STIM2: variants seen among roughly 807,000 people sequenced by gnomAD.
STIM2 encodes the protein stromal interaction molecule 2.
STIM2 carries 31 observed loss-of-function variants against 85.8 expected under a neutral mutation model. The ratio of observed to expected loss-of-function variants is 0.36; its 90% CI spans 0.27 to 0.49. STIM2 has a LOEUF of 0.49. Among genes scored for constraint, STIM2 ranks in the 20% least tolerant of loss-of-function variants. The pLI is 0.98. For synonymous variants in STIM2, 356 were observed against 331.1 expected, an observed-to-expected ratio of 1.08 and a Z score of -0.82; for missense variants, 841 against 927.6, an observed-to-expected ratio of 0.91 and a Z score of 1.21.
intron 1 of STIM2, among the ~76,000 whole-genome samples, chr4:26,885,851 ATATATATATATATATATATATATGT>A: frequency 2.1e-5 from 1 of 47,010 alleles, no homozygotes; most frequent in East Asian, 7.0e-4. Flanking sequence ...ATATATATAT[ATATATATATATATATATATATATGT>A]ATATGTCTAT....
intron 1 of STIM2, among the ~76,000 whole-genome samples, chr4:26,879,743 C>T (rs1409265170): frequency 6.6e-6 from 1 of 152,134 alleles, no homozygotes; most frequent in Non-Finnish European, 1.5e-5. Flanking sequence ...TATTCCTTGT[C>T]ATTAGAAACA....
chr4:26,879,017 T>C (rs9999056), intron 1 of STIM2, among the ~76,000 whole-genome samples: 28,361 of 152,110 alleles, frequency 0.19, 2,900 homozygotes, highest in Admixed American at 0.25. Context: ...CCAAACCTTA[T>C]CACCATCTAA....
chr4:26,888,241 T>C (rs962746807), intron 1 of STIM2, among the ~76,000 whole-genome samples: 4 of 152,196 alleles, frequency 2.6e-5, no homozygotes, highest in Admixed American at 2.6e-4. Flanking sequence ...AAATGATACT[T>C]AATCTCCAAA....
chr4:26,974,819 T>C lies in STIM2; in HGVS notation c.397+17093T>C, dbSNP rs546551467. On this transcript the variant is annotated intron_variant, in intron 3 of 11. Transcript: ENST00000467087. ...GTTGGGGGTGTTCTCCTGGATAATATACTGAAGAGTGTTTTCCAACTTGGG... is the reference window on the plus strand; with the variant it reads ...GTTGGGGGTGTTCTCCTGGATAATACACTGAAGAGTGTTTTCCAACTTGGG... 2.0e-5 allele frequency among the ~76,000 whole-genome samples: 3 copies of C among 152,348 alleles called. No individual in the cohort carries two copies. The East Asian group carries it at 5.8e-4, about 29-fold the overall frequency.
rs555651412 is a variant in STIM2, at chr4:26,889,581, T to C, written c.151+28212T>C. Among the ~76,000 whole-genome samples, 16 of 151,980 alleles carry C rather than the reference T, an allele frequency of 1.1e-4. No individual in the cohort carries two copies. The South Asian group carries it at 1.7e-3, about 16-fold the overall frequency. ...GTGGTCCAATATAATCAGCCTTTCA[T>C]GAGATAGTTGGCTGATCACTCTGGG... On this transcript the variant is annotated intron_variant, in intron 1 of 11. Transcript: ENST00000467087.
In STIM2 at chr4:27,020,835, G is replaced by C. The variant is rs545225842; in HGVS notation, c.1764-1684G>C. 1.4e-4 allele frequency among the ~76,000 whole-genome samples: 22 copies of C among 152,286 alleles called. No individual in the cohort carries two copies. The East Asian group carries it at 4.2e-3, about 29-fold the overall frequency. On this transcript the variant is annotated intron_variant, in intron 11 of 11. Coordinates refer to ENST00000467087, the MANE Select transcript of STIM2 (RefSeq NM_020860.4). ...TAACATGAGCTGCCAAGACAAGTGA[G>C]ACAAGGACCTGGCCTAGTTCCAGCT...
chr4:26,929,223 A>G (rs1347387375), intron 2 of STIM2, among the ~76,000 whole-genome samples: 1 of 152,194 alleles, frequency 6.6e-6, no homozygotes, highest in African/African-American at 2.4e-5. Context: ...AACTTCTAGA[A>G]AACAAAATTA....
chr4:27,022,799 A>C lies in STIM2; in HGVS notation c.2044A>C (p.Asn682His). 3 of 1,614,226 alleles carry C rather than the reference A, an allele frequency of 1.9e-6. No homozygotes were observed. In the South Asian group the frequency reaches 3.3e-5, roughly 18 times the overall value. Residue 682 changes from asparagine (N) to histidine (H), a missense_variant, in exon 12 of 12, where the codon AAC becomes CAC. Asn to His is a moderately conservative substitution (Grantham distance 68, BLOSUM62 1). Coordinates refer to ENST00000467087, the MANE Select transcript of STIM2 (RefSeq NM_020860.4). ...CATTTTGGAGAAATCCTGTAGCATG[A>C]ACCAGCTTTCCAGTGGCATCCCGGT...
At chr4:27,002,842 C>A in intron 6 of STIM2, 85 bp from the exon 7 acceptor site, 3 of 1,156,048 alleles carry the variant, frequency 2.6e-6, no homozygotes, top group East Asian at 3.0e-5. Context: ...TGTATTTAAT[C>A]GCTTGACCCA....
chr4:26,868,136 T>A (rs1722471516), intron 1 of STIM2, among the ~76,000 whole-genome samples: 1 of 152,250 alleles, frequency 6.6e-6, no homozygotes, highest in Non-Finnish European at 1.5e-5. Flanking sequence ...GAATGTTTAA[T>A]AATGTCTATT....
At chr4:26,949,813 T>A (rs1725977172) in intron 2 of STIM2, among the ~76,000 whole-genome samples, 1 of 152,190 alleles carries the variant, frequency 6.6e-6, no homozygotes, top group Admixed American at 6.5e-5. Context: ...CCCCATTCAT[T>A]ATCAGTGTTA....
intron 1 of STIM2, among the ~76,000 whole-genome samples, chr4:26,918,404 T>C (rs144486126): frequency 6.7e-4 from 102 of 152,160 alleles, no homozygotes; most frequent in Non-Finnish European, 1.3e-3. Context: ...GCAACTAAGA[T>C]GCAAGGACAA....
intron 3 of STIM2, among the ~76,000 whole-genome samples, chr4:26,986,066 A>G (rs1251130044): frequency 6.6e-6 from 1 of 152,198 alleles, no homozygotes; most frequent in Non-Finnish European, 1.5e-5. Context: ...GCGTAGTTCT[A>G]AATCCTGTTT....
chr4:26,887,573 T>G (rs531735024), intron 1 of STIM2, among the ~76,000 whole-genome samples: 1 of 152,320 alleles, frequency 6.6e-6, no homozygotes, highest in African/African-American at 2.4e-5. Context: ...CTAAAATCTT[T>G]CAGTACTTTC....
intron 1 of STIM2, among the ~76,000 whole-genome samples, chr4:26,891,142 T>G (rs1350042738): frequency 6.6e-6 from 1 of 152,228 alleles, no homozygotes; most frequent in Middle Eastern, 3.2e-3. Context: ...TTGGCTGGTC[T>G]GTGGTGTCCA....
At position 26,899,445 on chromosome 4, in the gene STIM2, TTTC is replaced by T. The variant is rs201008943; in HGVS notation, c.152-20053_152-20051del. On this transcript the variant is annotated intron_variant, in intron 1 of 11. Transcript: ENST00000467087. ...GTGTTTCACTACCTTTTTAAGTAAG[TTTC>T]TTCTTTCAAATCTCTGGAAGAGTTT... Among the ~76,000 whole-genome samples, 890 of 152,308 alleles carry T rather than the reference TTTC, an allele frequency of 5.8e-3. 5 individuals are homozygous for T. The highest frequency in any genetic ancestry group is 0.018 in the African/African-American group (759 of 41,580).
At chr4:26,888,544 A>G (rs1021964575) in intron 1 of STIM2, among the ~76,000 whole-genome samples, 2 of 152,204 alleles carry the variant, frequency 1.3e-5, no homozygotes, top group African/African-American at 2.4e-5. Context: ...GGCTGGTCAC[A>G]TGGTCGTAGC....
chr4:26,917,329 CA>C (rs1168835092), intron 1 of STIM2, among the ~76,000 whole-genome samples: 1 of 152,080 alleles, frequency 6.6e-6, no homozygotes, highest in Non-Finnish European at 1.5e-5. Context: ...TCATAGTCCC[CA>C]GTAAAATATA....
At chr4:26,902,169 C>CTAGA (rs1328360374) in intron 1 of STIM2, among the ~76,000 whole-genome samples, 1 of 151,986 alleles carries the variant, frequency 6.6e-6, no homozygotes, top group Admixed American at 6.6e-5. Context: ...CGTGGTGGTG[C>CTAGA]TAGAGATAGG....
Sources: gnomAD v4.1 joint callset for allele counts (sites outside exome capture counted in the v4.1 genomes callset) on GRCh38, gnomAD v4.1.1 for gene constraint, MANE v1.5 for transcripts, NCBI Gene and HGNC (gene_info 2026-07-23, HGNC 2026-07-21) for gene names.